MCF2L: variants seen among roughly 807,000 people sequenced by gnomAD.
MCF2L encodes MCF.2 cell line derived transforming sequence like.
A neutral mutation model predicts 153.4 loss-of-function variants in MCF2L; 97 were observed. The observed-to-expected ratio is 0.63, with a 90% CI of 0.54 to 0.75. The LOEUF (loss-of-function observed/expected upper bound fraction) is 0.75, where lower values mean the gene tolerates loss of function less well. Among genes scored for constraint, MCF2L ranks in the 30% least tolerant of loss-of-function variants. MCF2L has a pLI of 0.00. For missense variants in MCF2L, 1,347 were observed against 1,495.2 expected, an observed-to-expected ratio of 0.90 and a Z score of 1.64; for synonymous variants, 659 against 632.2, an observed-to-expected ratio of 1.04 and a Z score of -0.64.
chr13:113,078,964 C>T (rs1055989753), intron 15 of MCF2L, among the ~76,000 whole-genome samples: 9 of 152,248 alleles, frequency 5.9e-5, no homozygotes, highest in Non-Finnish European at 1.2e-4. Context: ...ACACACCACT[C>T]GGGATTCAGG....
chr13:112,929,743 A>T (rs1307660899), intron 2 of MCF2L, among the ~76,000 whole-genome samples: 3 of 152,200 alleles, frequency 2.0e-5, no homozygotes, highest in African/African-American at 7.2e-5. Context: ...GCAGATGATG[A>T]CGCCTGCATC....
Position 113,014,182 on chromosome 13 carries a change from G to A in MCF2L, c.80-581G>A, listed in dbSNP as rs573480497. 1.3e-4 allele frequency among the ~76,000 whole-genome samples: 20 copies of A among 152,336 alleles called. No homozygotes were observed. In the East Asian group the frequency reaches 3.1e-3, roughly 24 times the overall value. The stretch of plus-strand genomic sequence containing the variant: ...CAGAGCCATCTGGAACCTGCTGGGT[G>A]GGGGGATGGGTGTGGGGGTCGACCC... On this transcript the variant is annotated intron_variant, in intron 1 of 29. Coordinates refer to ENST00000535094, the MANE Select transcript of MCF2L (RefSeq NM_001112732.3).
intron 1 of MCF2L, among the ~76,000 whole-genome samples, chr13:112,900,044 A>T (rs1012404225): frequency 1.3e-5 from 2 of 152,118 alleles, no homozygotes; most frequent in Non-Finnish European, 2.9e-5. Context: ...AGGGGCATAA[A>T]CGTGACCGTG....
At chr13:113,066,256 G>A (rs547108237) in intron 8 of MCF2L, 86 bp downstream of exon 8, 3 of 1,451,670 alleles carry the variant, frequency 2.1e-6, no homozygotes, top group Non-Finnish European at 2.7e-6. Flanking sequence ...AAAAGAAACA[G>A]GCCACGGAAA....
rs954844709 is a variant in MCF2L at position 112,993,767 on chromosome 13, C to T, written c.80-20996C>T. The stretch of plus-strand genomic sequence containing the variant: ...CATCCCATTTTAGCACCAGAAGTGG[C>T]TGTGTGAGCTGGGAATGGGGTCCTG... On this transcript the variant is annotated intron_variant, in intron 1 of 29. Coordinates refer to ENST00000535094, the MANE Select transcript of MCF2L (RefSeq NM_001112732.3). This position sits in a 1 kb window ranked among gnomAD's most constrained non-coding sequence, Gnocchi z 4.6. Among the ~76,000 whole-genome samples, 14 of 152,106 alleles carry T rather than the reference C, an allele frequency of 9.2e-5. No homozygotes were observed. Among genetic ancestry groups the T allele is most frequent in the African/African-American group, 3.4e-4 (14 of 41,404 alleles).
intron 7 of MCF2L, 180 bp downstream of exon 7, chr13:113,065,265 C>T: frequency 1.5e-6 from 1 of 650,972 alleles, no homozygotes. Context: ...AGCTCGGCAA[C>T]CTCTCCGACG....
Position 113,097,604 on chromosome 13 carries a change from G to A in MCF2L, c.*745G>A, listed in dbSNP as rs1325064145. 1 of 151,814 alleles carries A rather than the reference G, an allele frequency of 6.6e-6. No homozygotes were observed. The highest frequency in any genetic ancestry group is 1.9e-4 in the East Asian group (1 of 5,176). The allele number at this position is 151,814 out of a possible 1,614,324, so 9.4% of individuals were successfully genotyped here. On this transcript the variant is annotated 3_prime_UTR_variant, in exon 30 of 30. Coordinates refer to ENST00000535094, the MANE Select transcript of MCF2L (RefSeq NM_001112732.3). ...CAAGGAGATTCCTTTATCTACCTAGGGTTCATTTTCAAAAGAAAATTTAAA... is the reference window on the plus strand; with the variant it reads ...CAAGGAGATTCCTTTATCTACCTAGAGTTCATTTTCAAAAGAAAATTTAAA...
At chr13:112,896,622 TG>T (rs1594289536) in intron 1 of MCF2L, among the ~76,000 whole-genome samples, 1 of 152,320 alleles carries the variant, frequency 6.6e-6, no homozygotes, top group East Asian at 1.9e-4. Context: ...GGATCATTTT[TG>T]GAGGCTCCTG....
rs755313548 is a variant in MCF2L, at chr13:113,064,415, C to T, written c.601C>T (p.Arg201Cys). 7.5e-6 allele frequency: 12 copies of T among 1,610,426 alleles called. No individual in the cohort carries two copies. The highest frequency in any genetic ancestry group is 1.6e-4 in the Middle Eastern group (1 of 6,082). Reference protein sequence around the residue: ...DYCHSRWLCQRTAIESFALMV... With the variant: ...DYCHSRWLCQCTAIESFALMV... ...CTGCCACTCCCGGTGGCTGTGCCAGCGCACGGTGAGCCGCGTCGGGGCCAG... is the reference window on the plus strand; with the variant it reads ...CTGCCACTCCCGGTGGCTGTGCCAGTGCACGGTGAGCCGCGTCGGGGCCAG... Residue 201 changes from arginine (R) to cysteine (C), a missense_variant, in exon 6 of 30, where the codon CGC becomes TGC. Physicochemically the swap from Arg to Cys is radical, Grantham distance 180. Around this residue, in one of 3 missense-constraint regions of MCF2L, gnomAD observed 820 missense variants for 921.2 expected, o/e 0.89. Transcript: ENST00000535094. This position sits in a 1 kb window ranked among gnomAD's most constrained non-coding sequence, Gnocchi z 6.0.
intron 1 of MCF2L, among the ~76,000 whole-genome samples, chr13:112,987,240 C>G (rs2082684170): frequency 6.6e-6 from 1 of 152,000 alleles, no homozygotes; most frequent in Non-Finnish European, 1.5e-5. Context: ...CTCCCTCCAC[C>G]TGCCCCTTCC....
chr13:112,913,555 T>C (rs1363246770), intron 2 of MCF2L, among the ~76,000 whole-genome samples: 2 of 152,178 alleles, frequency 1.3e-5, no homozygotes, highest in Non-Finnish European at 2.9e-5. Flanking sequence ...TGCCTCGGTG[T>C]GAGAGGATGG....
At chr13:113,094,784 G>T (rs181523232) in intron 27 of MCF2L, 149 bp downstream of exon 27, 1 of 1,099,770 alleles carries the variant, frequency 9.1e-7, no homozygotes, top group Non-Finnish European at 1.3e-6. Flanking sequence ...TGGGTCTTAC[G>T]GGCAGTGCCA....
intron 2 of MCF2L, among the ~76,000 whole-genome samples, chr13:112,930,708 G>T (rs2081453848): frequency 6.6e-6 from 1 of 152,168 alleles, no homozygotes; most frequent in South Asian, 2.1e-4. Flanking sequence ...AGGCTGAGGA[G>T]GGCAGATCAC....
chr13:112,894,852 G>A (rs1261487465), intron 1 of MCF2L, among the ~76,000 whole-genome samples: 1 of 152,120 alleles, frequency 6.6e-6, no homozygotes, highest in South Asian at 2.1e-4. Context: ...GCGATGGGGG[G>A]CCAGTGTCCA....
At chr13:112,950,988 A>G (rs1313027841) in intron 2 of MCF2L, among the ~76,000 whole-genome samples, 1 of 152,268 alleles carries the variant, frequency 6.6e-6, no homozygotes, top group Non-Finnish European at 1.5e-5. Context: ...CATAGCTGAT[A>G]AAGGATTAAG....
intron 2 of MCF2L, among the ~76,000 whole-genome samples, chr13:112,927,872 G>GA (rs1428730807): frequency 6.6e-6 from 1 of 152,134 alleles, no homozygotes; most frequent in Non-Finnish European, 1.5e-5. Context: ...AAAGAAAAGA[G>GA]AATCAGCAAG....
chr13:112,914,159 C>T (rs889587127), intron 2 of MCF2L, among the ~76,000 whole-genome samples: 3 of 152,210 alleles, frequency 2.0e-5, no homozygotes, highest in Admixed American at 6.5e-5. Context: ...AAAGAAGATA[C>T]GGCTTGAGGA....
At chr13:112,950,165 A>G (rs370796707) in intron 2 of MCF2L, among the ~76,000 whole-genome samples, 1 of 150,530 alleles carries the variant, frequency 6.6e-6, no homozygotes, top group East Asian at 1.9e-4. Context: ...AAAAAAAACC[A>G]CTTAAGTGTA....
intron 2 of MCF2L, chr13:112,909,526 A>G (rs1026696360): frequency 5.9e-5 from 30 of 506,052 alleles, no homozygotes; most frequent in African/African-American, 2.6e-4. Flanking sequence ...CAGCGGGTCT[A>G]TCAACTTGGA....
Sources: allele counts gnomAD v4.1 joint callset (sites outside exome capture counted in the v4.1 genomes callset), GRCh38; gene constraint gnomAD v4.1.1; regional missense constraint gnomAD v4.1.1; non-coding constraint Gnocchi (gnomAD v3.1); transcripts MANE v1.5; gene names NCBI Gene and HGNC (gene_info 2026-07-23, HGNC 2026-07-21).